COL24A1: variants seen among roughly 807,000 people sequenced by gnomAD.
The protein encoded by COL24A1 is collagen alpha-1(XXIV) chain.
A neutral mutation model predicts 253.9 loss-of-function variants in COL24A1; 224 were observed. The observed-to-expected ratio is 0.88, with a 90% CI of 0.79 to 0.99. The LOEUF (loss-of-function observed/expected upper bound fraction) is 0.99. Among genes scored for constraint, COL24A1 ranks in the 50% least tolerant of loss-of-function variants. The probability of loss-of-function intolerance (pLI) is 0.00; values close to 1 mark genes in which losing one functional copy is unlikely to be tolerated. For missense variants in COL24A1, 2,131 were observed against 2,068.5 expected (o/e 1.03, Z -0.59); for synonymous variants, 685 against 673.7 (o/e 1.02, Z -0.26).
chr1:85,945,739 C>T (rs1449981761), intron 24 of COL24A1, among the ~76,000 whole-genome samples: 4 of 151,180 alleles, frequency 2.6e-5, no homozygotes, highest in Non-Finnish European at 4.4e-5. Flanking sequence ...TTCAGACTTC[C>T]TATAGGCAAC....
intron 34 of COL24A1, among the ~76,000 whole-genome samples, chr1:85,874,973 T>G (rs1006047617): frequency 1.3e-5 from 2 of 152,178 alleles, no homozygotes; most frequent in Non-Finnish European, 2.9e-5. Flanking sequence ...GGGATCTGGG[T>G]TGCTCAGTCC....
intron 28 of COL24A1, among the ~76,000 whole-genome samples, chr1:85,904,175 C>A (rs1684586037): frequency 6.6e-6 from 1 of 152,230 alleles, no homozygotes; most frequent in African/African-American, 2.4e-5. Context: ...CCATTTAAAT[C>A]TTAAGCAGCA....
chr1:85,910,835 T>C (rs1254036814), intron 25 of COL24A1, among the ~76,000 whole-genome samples: 1 of 151,960 alleles, frequency 6.6e-6, no homozygotes, highest in East Asian at 1.9e-4. Context: ...TGTGGTACTA[T>C]TCTAAGTCCA....
intron 24 of COL24A1, among the ~76,000 whole-genome samples, chr1:85,927,958 T>C (rs1318671737): frequency 7.2e-4 from 82 of 113,264 alleles, no homozygotes; most frequent in African/African-American, 8.2e-4. Context: ...AGACCAAAAG[T>C]AGATAAAACC....
At chr1:85,762,085 A>G (rs189920824) in intron 53 of COL24A1, among the ~76,000 whole-genome samples, 48 of 152,316 alleles carry the variant, frequency 3.2e-4, no homozygotes, top group Non-Finnish European at 1.3e-4. Flanking sequence ...GAAAAGTGAA[A>G]AGGTGTATCG....
chr1:85,785,188 T>G (rs886429991), intron 48 of COL24A1, among the ~76,000 whole-genome samples: 3 of 152,202 alleles, frequency 2.0e-5, no homozygotes, highest in Non-Finnish European at 4.4e-5. Flanking sequence ...AAAATTTCCA[T>G]TATCTGTCTC....
intron 11 of COL24A1, among the ~76,000 whole-genome samples, chr1:86,049,030 TGG>T (rs1700116369): frequency 6.6e-6 from 1 of 152,186 alleles, no homozygotes; most frequent in African/African-American, 2.4e-5. Flanking sequence ...CTGGAACCAT[TGG>T]GTCAAGAAGT....
intron 47 of COL24A1, among the ~76,000 whole-genome samples, chr1:85,797,383 G>A (rs112579140): frequency 2.6e-5 from 4 of 152,198 alleles, no homozygotes; most frequent in African/African-American, 9.6e-5. Context: ...GAGCAGACAA[G>A]CTCAACTCCG....
intron 24 of COL24A1, among the ~76,000 whole-genome samples, chr1:85,938,888 G>C (rs1205541599): frequency 3.3e-5 from 5 of 152,160 alleles, no homozygotes; most frequent in Non-Finnish European, 7.3e-5. Flanking sequence ...AGGATTTAGA[G>C]CTTCTTGCGG....
chr1:86,151,732 G>A (rs1286880178), intron 1 of COL24A1, among the ~76,000 whole-genome samples: 2 of 152,134 alleles, frequency 1.3e-5, no homozygotes, highest in African/African-American at 2.4e-5. Context: ...AGGGGAATCC[G>A]AGGGATCTTT....
intron 32 of COL24A1, among the ~76,000 whole-genome samples, chr1:85,887,566 T>C (rs901387688): frequency 3.3e-5 from 5 of 152,062 alleles, no homozygotes; most frequent in African/African-American, 9.7e-5. Flanking sequence ...GCTGTTATAG[T>C]ATGAAAGCAG....
At chr1:86,059,056 A>C in intron 9 of COL24A1, 65 bp downstream of exon 9, 1 of 1,011,598 alleles carries the variant, frequency 9.9e-7, no homozygotes, top group Non-Finnish European at 1.4e-6. Context: ...AATTCTCAAA[A>C]TCAGAAATAC....
chr1:85,980,422 A>G (rs1693135889), intron 20 of COL24A1, among the ~76,000 whole-genome samples: 1 of 152,184 alleles, frequency 6.6e-6, no homozygotes, highest in African/African-American at 2.4e-5. Flanking sequence ...TTGTATACCT[A>G]TAAAACCCTA....
chr1:85,781,327 A>C (rs1669122382), intron 51 of COL24A1, 54 bp from the exon 52 acceptor site: 2 of 1,255,366 alleles, frequency 1.6e-6, no homozygotes, highest in Non-Finnish European at 2.2e-6. Context: ...AAAAAAAAAA[A>C]ACTCCACAGA....
chr1:85,766,074 AT>A (rs1327205692), intron 53 of COL24A1, among the ~76,000 whole-genome samples: 19 of 152,114 alleles, frequency 1.2e-4, no homozygotes, highest in African/African-American at 4.1e-4. Context: ...GAATATATAT[AT>A]ATGAATAGGA....
intron 5 of COL24A1, among the ~76,000 whole-genome samples, chr1:86,099,438 A>T (rs1704259833): frequency 6.6e-6 from 1 of 152,214 alleles, no homozygotes; most frequent in African/African-American, 2.4e-5. Flanking sequence ...AAATTAACAA[A>T]GCCAAATATT....
chr1:85,892,092 T>C (rs1683197746), intron 31 of COL24A1, among the ~76,000 whole-genome samples: 1 of 152,090 alleles, frequency 6.6e-6, no homozygotes. Context: ...ATTTCCTATA[T>C]CAAAGATAGA....
intron 35 of COL24A1, among the ~76,000 whole-genome samples, chr1:85,870,836 A>G (rs1266510260): frequency 1.3e-5 from 2 of 152,214 alleles, no homozygotes. Context: ...AAGGCAAGAA[A>G]CAACTAAGAT....
chr1:85,769,393 A>G lies in COL24A1; in HGVS notation c.4374+6281T>C, dbSNP rs563544141. 2.0e-5 allele frequency among the ~76,000 whole-genome samples: 3 copies of G among 152,094 alleles called. No individual in the cohort carries two copies. The East Asian group carries it at 5.8e-4, about 29-fold the overall frequency. ...AAGGTGGGGGCACTGCTATTCACAC[A>G]GGCTAGTCAGGATAAGAGGACATTT... On this transcript the variant is annotated intron_variant, in intron 53 of 59. Transcript: ENST00000370571.
Sources: gnomAD v4.1 joint callset for allele counts (sites outside exome capture counted in the v4.1 genomes callset) on GRCh38, gnomAD v4.1.1 for gene constraint, MANE v1.5 for transcripts, NCBI Gene and HGNC (gene_info 2026-07-23, HGNC 2026-07-21) for gene names.